The following MN1 variants were observed in gnomAD, a reference collection of about 807,000 sequenced individuals.
MN1 encodes the protein transcriptional activator MN1.
MN1 carries 19 observed loss-of-function variants against 86.9 expected under a neutral mutation model. The observed-to-expected ratio is 0.22, with a 90% CI of 0.15 to 0.32. The LOEUF (loss-of-function observed/expected upper bound fraction) is 0.32, where lower values mean the gene tolerates loss of function less well. Ranked by LOEUF, MN1 falls within the 10% of genes least tolerant of loss-of-function variation. MN1 has a pLI of 1.00. For missense variants in MN1, 1,841 were observed against 1,862.0 expected (o/e 0.99, Z 0.21); for synonymous variants, 928 against 849.6 (o/e 1.09, Z -1.60).
chr22:27,799,977 T>A lies in MN1; in HGVS notation c.567A>T (p.Pro189=). The change falls in exon 1 of 2, where the codon CCA becomes CCT. Residue 189 remains proline (P), a synonymous_variant. Transcript: ENST00000302326. ...SGASSHAVPA[P]CLPLDQSPNR... Reference sequence around the variant, plus strand: ...TAGGGCTCTGGTCCAGCGGCAGGCATGGGGCCGGCACGGCGTGGCTGGAGG... The same window carrying A: ...TAGGGCTCTGGTCCAGCGGCAGGCAAGGGGCCGGCACGGCGTGGCTGGAGG... 1 of 1,602,914 alleles carries A rather than the reference T, an allele frequency of 6.2e-7. No homozygotes were observed.
At chr22:27,751,245 T>A in intron 1 of MN1, 149 bp from the exon 2 acceptor site, 2 of 548,994 alleles carry the variant, frequency 3.6e-6, no homozygotes, top group Non-Finnish European at 5.8e-6. Context: ...GATCTAGAGA[T>A]GTTGTTTTGA....
chr22:27,796,748 C>G lies in MN1; in HGVS notation c.3781+15G>C. On this transcript the variant is annotated intron_variant, in intron 1 of 1. Transcript: ENST00000302326. ...GGTCACCCGGGAAGTGAGAGGAAAA[C>G]GAGTGTGCATATACCTTCTTTGCTG... is the stretch of plus-strand genomic sequence containing the variant. 6.4e-7 allele frequency: 1 copy of G among 1,568,574 alleles called. No homozygotes were observed. Among genetic ancestry groups the G allele is most frequent in the Non-Finnish European group, 8.6e-7 (1 of 1,158,722 alleles).
At chr22:27,770,089 GCA>G (rs1932901779) in intron 1 of MN1, among the ~76,000 whole-genome samples, 1 of 152,104 alleles carries the variant, frequency 6.6e-6, no homozygotes. Context: ...CACTGACCAC[GCA>G]CAGTTTCACA....
chr22:27,749,440 C>T lies in MN1; in HGVS notation c.*1475G>A. ...GTTATATATTTGGGTGAAGTGATATCAGTTACTTCCTGTCTAACCCACCGG... is the reference window on the plus strand; with the variant it reads ...GTTATATATTTGGGTGAAGTGATATTAGTTACTTCCTGTCTAACCCACCGG... On this transcript the variant is annotated 3_prime_UTR_variant, in exon 2 of 2. Coordinates refer to ENST00000302326, the MANE Select transcript of MN1 (RefSeq NM_002430.3). 1 of 231,860 alleles carries T rather than the reference C, an allele frequency of 4.3e-6. No homozygotes were observed. The highest frequency in any genetic ancestry group is 8.5e-6 in the Non-Finnish European group (1 of 117,164). 14.4% of individuals were successfully genotyped at this position (231,860 alleles called of 1,614,324 possible). A position where few individuals can be genotyped will look rare whatever the true frequency, so the allele number is the denominator to read the frequency against.
At chr22:27,786,366 CCG>C (rs1252549149) in intron 1 of MN1, among the ~76,000 whole-genome samples, 1 of 152,148 alleles carries the variant, frequency 6.6e-6, no homozygotes, top group Admixed American at 6.5e-5. Context: ...TTCTCAGCTT[CCG>C]AGACTTATGC....
At chr22:27,791,729 A>C (rs2146312329) in intron 1 of MN1, 1 of 152,340 alleles carries the variant, frequency 6.6e-6, no homozygotes, top group African/African-American at 2.4e-5. Flanking sequence ...AAACAGAGGT[A>C]AATACAGTAT....
chr22:27,778,168 A>T (rs1307614038), intron 1 of MN1, among the ~76,000 whole-genome samples: 1 of 152,190 alleles, frequency 6.6e-6, no homozygotes, highest in Non-Finnish European at 1.5e-5. Flanking sequence ...TGATTTTTCC[A>T]GCCCTACACA....
chr22:27,774,178 A>T (rs1807510), intron 1 of MN1, among the ~76,000 whole-genome samples: 1 of 152,104 alleles, frequency 6.6e-6, no homozygotes, highest in Admixed American at 6.5e-5. Flanking sequence ...CTCTGGGAGA[A>T]TGCAAAACAC....
Position 27,800,238 on chromosome 22 carries a change from C to T in MN1, c.306G>A (p.Pro102=). Residue 102 remains proline, a synonymous_variant, in exon 1 of 2, where the codon CCG becomes CCA. Transcript: ENST00000302326. ...GATGCTGGTGGGGATGATGACTTCCCGGGTGGCCGTGGTGAGGCTGCTGGC... is the reference window on the plus strand; with the variant it reads ...GATGCTGGTGGGGATGATGACTTCCTGGGTGGCCGTGGTGAGGCTGCTGGC... The part of the protein sequence containing the change: ...FGGQQPHHGH[P]GSHHPHQHHP... 1 of 1,583,922 alleles carries T rather than the reference C, an allele frequency of 6.3e-7. No individual in the cohort carries two copies.
Position 27,763,028 on chromosome 22 carries a change from G to A in MN1, c.3782-11932C>T, listed in dbSNP as rs562665195. On this transcript the variant is annotated intron_variant, in intron 1 of 1. Coordinates refer to ENST00000302326, the MANE Select transcript of MN1 (RefSeq NM_002430.3). ...TAGGATCACTTGAAACTGGGATTTCGAGGCTGCAGTGAGCTGTGATGGTGC... is the reference window on the plus strand; with the variant it reads ...TAGGATCACTTGAAACTGGGATTTCAAGGCTGCAGTGAGCTGTGATGGTGC... 5.3e-5 allele frequency among the ~76,000 whole-genome samples: 8 copies of A among 152,256 alleles called. No homozygotes were observed. In the East Asian group the frequency reaches 7.7e-4, roughly 15 times the overall value.
At chr22:27,788,396 C>G (rs1174110809) in intron 1 of MN1, among the ~76,000 whole-genome samples, 1 of 152,162 alleles carries the variant, frequency 6.6e-6, no homozygotes, top group Non-Finnish European at 1.5e-5. Flanking sequence ...AACTTCTCAG[C>G]AAATTCTCAA....
chr22:27,763,136 C>A (rs1027395497), intron 1 of MN1, among the ~76,000 whole-genome samples: 2 of 152,148 alleles, frequency 1.3e-5, no homozygotes, highest in African/African-American at 4.8e-5. Flanking sequence ...TATACATTCA[C>A]ATTTATTTGG....
chr22:27,766,152 C>T (rs9625324), intron 1 of MN1, among the ~76,000 whole-genome samples: 7,393 of 152,292 alleles, frequency 0.049, 610 homozygotes, highest in African/African-American at 0.17. Flanking sequence ...TCTGAACTGA[C>T]ATCCCCTTTG....
chr22:27,785,063 C>A (rs1290356801), intron 1 of MN1, among the ~76,000 whole-genome samples: 2 of 106,478 alleles, frequency 1.9e-5, no homozygotes, highest in African/African-American at 6.5e-5. Flanking sequence ...CCGCCACACA[C>A]ACACACACAC....
At chr22:27,786,430 A>AAC (rs3831690) in intron 1 of MN1, among the ~76,000 whole-genome samples, 7,578 of 148,894 alleles carry the variant, frequency 0.051, 308 homozygotes, top group African/African-American at 0.1. Flanking sequence ...TTAAAAGTTA[A>AAC]ACACACACAC....
At chr22:27,787,274 T>A (rs934526501) in intron 1 of MN1, among the ~76,000 whole-genome samples, 2 of 152,230 alleles carry the variant, frequency 1.3e-5, no homozygotes, top group Non-Finnish European at 2.9e-5. Flanking sequence ...CAAATTTTGA[T>A]CTGCAGCCTC....
intron 1 of MN1, among the ~76,000 whole-genome samples, chr22:27,789,778 T>G (rs1479208546): frequency 6.6e-6 from 1 of 152,254 alleles, no homozygotes; most frequent in Admixed American, 6.5e-5. Context: ...CCTACGATGA[T>G]GCGTAAATCG....
At chr22:27,786,822 G>C (rs1031604704) in intron 1 of MN1, among the ~76,000 whole-genome samples, 1 of 148,708 alleles carries the variant, frequency 6.7e-6, no homozygotes, top group African/African-American at 2.5e-5. Flanking sequence ...CAGGCAATCC[G>C]GGCCCATTAA....
Position 27,797,942 on chromosome 22 carries a change from C to G in MN1, c.2602G>C (p.Ala868Pro). The change falls in exon 1 of 2, where the codon GCG becomes CCG. Residue 868 changes from alanine to proline, a missense_variant. By Grantham distance (27) the Ala-to-Pro change is conservative (BLOSUM62 -1). Transcript: ENST00000302326. ...GAGCCCGGGTTGCCGGCCACTGCCG[C>G]GCCGTCGGTCTCGTTCTGGCTCAGT... is the stretch of plus-strand genomic sequence containing the variant. ...RKLSQNETDG[A>P]AVAGNPGSDY... is the part of the protein sequence containing the mutation. The G allele has an allele frequency of 6.3e-7, 1 of 1,595,440 alleles. No individual in the cohort carries two copies. The highest frequency in any genetic ancestry group is 2.2e-5 in the East Asian group (1 of 44,628).
Sources: allele counts gnomAD v4.1 joint callset (sites outside exome capture counted in the v4.1 genomes callset), GRCh38; gene constraint gnomAD v4.1.1; transcripts MANE v1.5; gene names NCBI Gene and HGNC (gene_info 2026-07-23, HGNC 2026-07-21).